PPP2R3A: variants seen among roughly 807,000 people sequenced by gnomAD.
PPP2R3A encodes the protein serine/threonine-protein phosphatase 2A regulatory subunit B'' subunit alpha.
Under a neutral mutation model 106.9 loss-of-function variants are expected in PPP2R3A, and 80 were observed. That is an observed-to-expected ratio of 0.75 (90% CI 0.62 to 0.90). The LOEUF (loss-of-function observed/expected upper bound fraction) is 0.90. Ranked by LOEUF, PPP2R3A falls within the 40% of genes least tolerant of loss-of-function variation. The pLI is 0.00. For missense variants in PPP2R3A, 1,386 were observed against 1,350.4 expected (o/e 1.03, Z -0.41); for synonymous variants, 483 against 468.3 (o/e 1.03, Z -0.41).
At position 136,031,693 on chromosome 3, in the gene PPP2R3A, C is replaced by T. The variant is rs188260316; in HGVS notation, c.2262+4595C>T. On this transcript the variant is annotated intron_variant, in intron 3 of 13. Coordinates refer to ENST00000264977, the MANE Select transcript of PPP2R3A (RefSeq NM_002718.5). ...GTTGATTTTTGTAAAAGGTGACAGA[C>T]GAGGATCAGTTTCATTCTCCTACAT... is the stretch of plus-strand genomic sequence containing the variant. Among the ~76,000 whole-genome samples, 162 of 152,218 alleles carry T rather than the reference C, an allele frequency of 1.1e-3. 4 individuals are homozygous for T. Among genetic ancestry groups the T allele is most frequent in the Admixed American group, 8.8e-3 (134 of 15,292 alleles).
chr3:135,979,209 T>G lies in PPP2R3A; in HGVS notation c.-441+13360T>G, dbSNP rs148158765. ...GCCTGGCCAACATGGTGAAACCCCGTCTCTACTAAAAATACGAAAATTAGC... is the reference window on the plus strand; with the variant it reads ...GCCTGGCCAACATGGTGAAACCCCGGCTCTACTAAAAATACGAAAATTAGC... On this transcript the variant is annotated intron_variant, in intron 1 of 13. Coordinates refer to ENST00000264977, the MANE Select transcript of PPP2R3A (RefSeq NM_002718.5). 6.7e-3 allele frequency among the ~76,000 whole-genome samples: 1,012 copies of G among 151,542 alleles called. 39 individuals carry two copies. Among genetic ancestry groups the G allele is most frequent in the African/African-American group, 0.024 (982 of 40,976 alleles).
At chr3:136,065,867 G>T (rs921891072) in intron 5 of PPP2R3A, among the ~76,000 whole-genome samples, 1 of 152,066 alleles carries the variant, frequency 6.6e-6, no homozygotes, top group African/African-American at 2.4e-5. Context: ...ATAGAGACAA[G>T]GTCTTGCTAT....
chr3:136,085,780 A>G (rs894378054), intron 8 of PPP2R3A, among the ~76,000 whole-genome samples: 7 of 151,956 alleles, frequency 4.6e-5, no homozygotes, highest in African/African-American at 1.7e-4. Flanking sequence ...TACTAATGGT[A>G]TGCATCTTAA....
At chr3:136,036,708 A>G (rs1935098115) in intron 3 of PPP2R3A, among the ~76,000 whole-genome samples, 1 of 152,122 alleles carries the variant, frequency 6.6e-6, no homozygotes, top group Non-Finnish European at 1.5e-5. Flanking sequence ...TTCTGGAGCG[A>G]AAATTCTCAC....
At chr3:135,979,789 G>C (rs1296921225) in intron 1 of PPP2R3A, among the ~76,000 whole-genome samples, 1 of 151,688 alleles carries the variant, frequency 6.6e-6, no homozygotes, top group Non-Finnish European at 1.5e-5. Context: ...TAAATGAAGA[G>C]AGACACCAAG....
chr3:136,118,582 AACAG>A (rs1306236701), intron 13 of PPP2R3A, among the ~76,000 whole-genome samples: 2 of 152,086 alleles, frequency 1.3e-5, no homozygotes, highest in Admixed American at 6.6e-5. Context: ...ATACACCAAT[AACAG>A]ACAAACAGAG....
chr3:136,050,568 A>G (rs13072690), intron 5 of PPP2R3A, among the ~76,000 whole-genome samples: 94,528 of 152,010 alleles, frequency 0.62, 30,464 homozygotes, highest in African/African-American at 0.77. Context: ...GTCAAGCCCC[A>G]GAACCTTTGG....
At chr3:135,979,320 G>A (rs1161373699) in intron 1 of PPP2R3A, among the ~76,000 whole-genome samples, 8 of 151,460 alleles carry the variant, frequency 5.3e-5, no homozygotes, top group African/African-American at 1.2e-4. Context: ...CGGAGGTTGC[G>A]GTGAGCCGAG....
chr3:136,145,306 A>T lies in PPP2R3A; in HGVS notation c.*140A>T. 1 of 1,113,062 alleles carries T rather than the reference A, an allele frequency of 9.0e-7. No homozygotes were observed. The allele number at this position is 1,113,062 out of a possible 1,614,324, so 68.9% of individuals were successfully genotyped here. On this transcript the variant is annotated 3_prime_UTR_variant, in exon 14 of 14. Coordinates refer to ENST00000264977, the MANE Select transcript of PPP2R3A (RefSeq NM_002718.5). ...CATCTGCACTAGGAACTTTGTTTTT[A>T]AGCAATAGGTCTGGATACACATTTA...
chr3:136,051,443 C>A (rs1395339960), intron 5 of PPP2R3A, among the ~76,000 whole-genome samples: 1 of 152,178 alleles, frequency 6.6e-6, no homozygotes, highest in African/African-American at 2.4e-5. Context: ...GATTGTCCTG[C>A]CTCAGCCTCC....
chr3:136,025,158 T>C (rs1934603989), intron 2 of PPP2R3A, among the ~76,000 whole-genome samples: 1 of 152,152 alleles, frequency 6.6e-6, no homozygotes, highest in Non-Finnish European at 1.5e-5. Flanking sequence ...GTTCTAAACC[T>C]TTTACCTATA....
chr3:136,039,215 G>C (rs1185188917), intron 3 of PPP2R3A, among the ~76,000 whole-genome samples: 1 of 152,146 alleles, frequency 6.6e-6, no homozygotes, highest in South Asian at 2.1e-4. Flanking sequence ...TAGAGGAGAG[G>C]CTTTTCCTCT....
At chr3:136,015,611 C>G (rs1383263531) in intron 2 of PPP2R3A, among the ~76,000 whole-genome samples, 2 of 151,930 alleles carry the variant, frequency 1.3e-5, no homozygotes, top group African/African-American at 4.8e-5. Context: ...TGAAGGTGTT[C>G]ATAGTAGCCT....
chr3:136,124,458 C>G (rs1252194667), intron 13 of PPP2R3A, among the ~76,000 whole-genome samples: 1 of 151,988 alleles, frequency 6.6e-6, no homozygotes, highest in Non-Finnish European at 1.5e-5. Context: ...CACTCCAGCC[C>G]AAGTGACAAA....
chr3:136,069,170 T>C (rs932913329), intron 5 of PPP2R3A, among the ~76,000 whole-genome samples: 5 of 152,256 alleles, frequency 3.3e-5, no homozygotes, highest in African/African-American at 1.2e-4. Flanking sequence ...CATGTTCATT[T>C]TCTGGTTTTT....
At chr3:136,027,183 C>T (rs1934697763) in intron 3 of PPP2R3A, 85 bp downstream of exon 3, 7 of 1,240,154 alleles carry the variant, frequency 5.6e-6, no homozygotes, top group Admixed American at 4.9e-5. Flanking sequence ...CGGATCCCAC[C>T]CCCCTTCACT....
chr3:136,023,304 C>T lies in PPP2R3A; in HGVS notation c.1996-3528C>T, dbSNP rs1934530027. 5.2e-6 allele frequency: 5 copies of T among 954,978 alleles called. No individual in the cohort carries two copies. The East Asian group carries it at 1.3e-4, about 24-fold the overall frequency. 59.2% of individuals were successfully genotyped at this position (954,978 alleles called of 1,614,324 possible). A position where few individuals can be genotyped will look rare whatever the true frequency, so the allele number is the denominator to read the frequency against. ...GTGAACTAACTCACAAGTAATTTTA[C>T]AGCTCCCTTGTATCTTGATATTAGA... On this transcript the variant is annotated intron_variant, in intron 2 of 13. Transcript: ENST00000264977.
intron 13 of PPP2R3A, among the ~76,000 whole-genome samples, chr3:136,128,145 T>A (rs1223729805): frequency 6.6e-6 from 1 of 152,266 alleles, no homozygotes; most frequent in Non-Finnish European, 1.5e-5. Context: ...AATGACAGGA[T>A]CAAATTCACA....
intron 13 of PPP2R3A, among the ~76,000 whole-genome samples, chr3:136,135,941 G>A (rs568383521): frequency 1.7e-4 from 26 of 151,278 alleles, no homozygotes; most frequent in African/African-American, 6.3e-4. Flanking sequence ...GGGAGGCTGG[G>A]GCGGGAGGAT....
Sources: gnomAD v4.1 joint callset for allele counts (sites outside exome capture counted in the v4.1 genomes callset) on GRCh38, gnomAD v4.1.1 for gene constraint, MANE v1.5 for transcripts, NCBI Gene and HGNC (gene_info 2026-07-23, HGNC 2026-07-21) for gene names.